The following TMEM260 variants were observed in gnomAD, a reference collection of about 807,000 sequenced individuals.
TMEM260 encodes the protein transmembrane protein 260.
A neutral mutation model predicts 88.9 loss-of-function variants in TMEM260; 82 were observed. The ratio of observed to expected loss-of-function variants is 0.92; its 90% CI spans 0.77 to 1.11. The LOEUF is 1.11. TMEM260 is among the 50% of genes least tolerant of loss of function. The pLI, the probability that TMEM260 is intolerant of heterozygous loss-of-function variation, is 0.00. For synonymous variants in TMEM260, 314 were observed against 309.3 expected (o/e 1.02, Z -0.16); for missense variants, 902 against 853.4 (o/e 1.06, Z -0.71).
chr14:56,640,899 G>A (rs188317801), intron 15 of TMEM260, among the ~76,000 whole-genome samples: 29 of 152,280 alleles, frequency 1.9e-4, no homozygotes, highest in Admixed American at 3.3e-4. Context: ...GGGTATCAGC[G>A]ATGGACAATG....
chr14:56,619,486 A>C (rs1163153999), intron 10 of TMEM260: 2 of 152,108 alleles, frequency 1.3e-5, no homozygotes, highest in African/African-American at 4.8e-5. Context: ...ATTATTTTTA[A>C]ATTAAGTTCT....
intron 12 of TMEM260, among the ~76,000 whole-genome samples, chr14:56,631,926 G>A (rs1024504825): frequency 6.6e-6 from 1 of 152,138 alleles, no homozygotes; most frequent in African/African-American, 2.4e-5. Context: ...ATCACCTGAT[G>A]GTTGTCTGAA....
In TMEM260 at chr14:56,615,933, G is replaced by GT. The variant is rs1456469987; in HGVS notation, c.858-5dup. The GT allele has an allele frequency of 1.1e-5, 17 of 1,600,468 alleles. No individual in the cohort carries two copies. Among genetic ancestry groups the GT allele is most frequent in the East Asian group, 2.2e-5 (1 of 44,748 alleles). On this transcript the variant is annotated splice_polypyrimidine_tract_variant and intron_variant, in intron 7 of 15. Transcript: ENST00000261556. The stretch of plus-strand genomic sequence containing the variant: ...TTTCCTGCCAACAATAAGTTAGATT[G>GT]TTTTTTGCAGTTCTCAAGTAACAAA...
In TMEM260 at chr14:56,647,554, G is replaced by A. The variant is rs1890046311; in HGVS notation, c.*57G>A. On this transcript the variant is annotated 3_prime_UTR_variant, in exon 16 of 16. Transcript: ENST00000261556. ...TCAGCTTCCAAAATTCTGAAGTCTG[G>A]AAGTTTTTCCTTCAAGAAAAGAAAC... The A allele has an allele frequency of 1.3e-6, 2 of 1,517,182 alleles. No homozygotes were observed. Among genetic ancestry groups the A allele is most frequent in the Admixed American group, 2.3e-5 (1 of 43,280 alleles). The allele number at this position is 1,517,182 out of a possible 1,614,324, so 94.0% of individuals were successfully genotyped here. A position where few individuals can be genotyped will look rare whatever the true frequency, so the allele number is the denominator to read the frequency against.
At chr14:56,644,401 G>A (rs1486652477) in intron 15 of TMEM260, among the ~76,000 whole-genome samples, 3 of 152,128 alleles carry the variant, frequency 2.0e-5, no homozygotes, top group Non-Finnish European at 4.4e-5. Flanking sequence ...CAAGCAATGG[G>A]GAAAGGATTC....
chr14:56,593,965 G>A (rs1886047194), intron 3 of TMEM260, among the ~76,000 whole-genome samples: 1 of 151,920 alleles, frequency 6.6e-6, no homozygotes, highest in South Asian at 2.1e-4. Context: ...GGTATTACAG[G>A]CGTGAGCCAC....
rs1400780091 is a variant in TMEM260 at position 56,606,228 on chromosome 14, G to C, written c.636+545G>C. Among the ~76,000 whole-genome samples the C allele has an allele frequency of 2.0e-5, 3 of 152,222 alleles. No individual in the cohort carries two copies. The East Asian group carries it at 5.8e-4, about 29-fold the overall frequency. ...CTTTCTCTGAAAGAAAAAAATGATT[G>C]TTAATTAAAATGGCAATATAAAGCA... On this transcript the variant is annotated intron_variant, in intron 5 of 15. Coordinates refer to ENST00000261556, the MANE Select transcript of TMEM260 (RefSeq NM_017799.4).
intron 3 of TMEM260, among the ~76,000 whole-genome samples, chr14:56,596,794 A>AAAAAATATAT (rs59623466): frequency 0.014 from 1,906 of 136,192 alleles, 44 homozygotes; most frequent in African/African-American, 0.05. Flanking sequence ...TAAAAAAAAA[A>AAAAAATATAT]ATATATATAT....
intron 12 of TMEM260, among the ~76,000 whole-genome samples, chr14:56,628,361 G>T (rs1888366646): frequency 6.6e-6 from 1 of 152,136 alleles, no homozygotes; most frequent in South Asian, 2.1e-4. Flanking sequence ...TCTCGCAGTT[G>T]CTTGTCTTTT....
the TMEM260 span, among the ~76,000 whole-genome samples, chr14:56,661,878 C>G: frequency 6.6e-6 from 1 of 152,226 alleles, no homozygotes; most frequent in East Asian, 1.9e-4. Flanking sequence ...GGAGTCCTTA[C>G]TCCTGTGAGA....
chr14:56,596,757 G>A (rs1886259700), intron 3 of TMEM260, among the ~76,000 whole-genome samples: 1 of 114,312 alleles, frequency 8.7e-6, no homozygotes, highest in Non-Finnish European at 1.7e-5. Context: ...ACAAAACTCT[G>A]TCTCTGTCTC....
intron 5 of TMEM260, among the ~76,000 whole-genome samples, chr14:56,608,159 A>T (rs944909157): frequency 2.6e-5 from 4 of 152,234 alleles, no homozygotes; most frequent in Non-Finnish European, 5.9e-5. Flanking sequence ...TCAATTAAGA[A>T]TGTTTATTTG....
chr14:56,637,148 G>C (rs1172410970), intron 15 of TMEM260, among the ~76,000 whole-genome samples: 1 of 152,186 alleles, frequency 6.6e-6, no homozygotes, highest in Non-Finnish European at 1.5e-5. Flanking sequence ...AGTTATGCTG[G>C]CTTTATGACT....
chr14:56,615,870 C>G, intron 7 of TMEM260, 74 bp from the exon 8 acceptor site: 1 of 1,053,954 alleles, frequency 9.5e-7, no homozygotes, highest in Middle Eastern at 2.2e-4. Context: ...TCAATGGTAT[C>G]TTACAAGGAC....
At chr14:56,622,829 T>G (rs1223507312) in intron 11 of TMEM260, among the ~76,000 whole-genome samples, 4 of 152,208 alleles carry the variant, frequency 2.6e-5, no homozygotes, top group Non-Finnish European at 4.4e-5. Flanking sequence ...GAGAAAACTT[T>G]ATAAACAGAT....
chr14:56,656,604 G>A, the TMEM260 span, among the ~76,000 whole-genome samples: 3 of 152,206 alleles, frequency 2.0e-5, no homozygotes, highest in Admixed American at 2.0e-4. Flanking sequence ...TAATATGTCA[G>A]TAAAAACAGT....
chr14:56,634,757 A>G (rs934604941), intron 13 of TMEM260, 142 bp from the exon 14 acceptor site: 32 of 665,786 alleles, frequency 4.8e-5, no homozygotes, highest in African/African-American at 1.8e-4. Flanking sequence ...CAGGAGAATC[A>G]CTTGAACCCA....
chr14:56,647,110 C>A, intron 15 of TMEM260, 133 bp from the exon 16 acceptor site: 2 of 947,576 alleles, frequency 2.1e-6, no homozygotes, highest in Non-Finnish European at 3.1e-6. Flanking sequence ...CATGGCTTAG[C>A]AATGATTAGA....
intron 15 of TMEM260, among the ~76,000 whole-genome samples, chr14:56,645,721 T>A (rs1431208488): frequency 6.6e-6 from 1 of 152,120 alleles, no homozygotes; most frequent in Non-Finnish European, 1.5e-5. Context: ...TTAGTAGGAT[T>A]TTGAAAACTG....
Sources: gnomAD v4.1 joint callset for allele counts (sites outside exome capture counted in the v4.1 genomes callset) on GRCh38, gnomAD v4.1.1 for gene constraint, MANE v1.5 for transcripts, NCBI Gene and HGNC (gene_info 2026-07-23, HGNC 2026-07-21) for gene names.